The following SPTBN5 variants were observed in gnomAD, a reference collection of about 807,000 sequenced individuals.
The protein encoded by SPTBN5 is spectrin beta chain, non-erythrocytic 5.
SPTBN5 carries 513 observed loss-of-function variants against 477.6 expected under a neutral mutation model. That is an observed-to-expected ratio of 1.07 (90% CI 1.00 to 1.16). The LOEUF (loss-of-function observed/expected upper bound fraction) is 1.16, where lower values mean the gene tolerates loss of function less well. SPTBN5 is among the 50% of genes most tolerant of loss of function. The pLI, the probability that SPTBN5 is intolerant of heterozygous loss-of-function variation, is 0.00. For missense variants in SPTBN5, 5,062 were observed against 4,731.8 expected (o/e 1.07, Z -2.05); for synonymous variants, 2,169 against 2,011.7 (o/e 1.08, Z -2.09).
chr15:41,853,983 T>C, intron 57 of SPTBN5, 67 bp downstream of exon 57: 1 of 1,498,080 alleles, frequency 6.7e-7, no homozygotes. Flanking sequence ...AGGGCTGAGA[T>C]AGGTCCCCTC....
rs756163935 is a variant in SPTBN5, at chr15:41,855,597, C to A, written c.9170G>T (p.Arg3057Leu). The A allele has an allele frequency of 2.5e-6, 4 of 1,611,790 alleles. No individual in the cohort carries two copies. The highest frequency in any genetic ancestry group is 3.4e-6 in the Non-Finnish European group (4 of 1,179,762). ...CAGGAGTGCTGCTGTCTGCTGCAGC[C>A]GCTCGATGCGTGGGCTGAACGCTTC... The part of the protein sequence containing the change: ...DLEAFSPRIE[R>L]LQQTAALLES... The change falls in exon 54 of 68, where the codon CGG (arginine) becomes CTG (leucine). Residue 3057 changes from arginine to leucine, a missense_variant. Transcript: ENST00000320955.
chr15:41,863,525 G>A (rs1266156220), intron 41 of SPTBN5, among the ~76,000 whole-genome samples, 179 bp downstream of exon 41: 1 of 152,166 alleles, frequency 6.6e-6, no homozygotes, highest in East Asian at 1.9e-4. Context: ...GTCCTGAGTT[G>A]ATCCTGAGGG....
chr15:41,857,489 C>T lies in SPTBN5; in HGVS notation c.8370G>A (p.Leu2790=), dbSNP rs2140919955. The change falls in exon 51 of 68, where the codon CTG becomes CTA. Residue 2790 remains leucine, a synonymous_variant. Transcript: ENST00000320955. ...GTTCCTCCATGCTCCGCCGCAGACG[C>T]AGGGCCTAGGGTAGAAAGTGAGGTA... The part of the protein sequence containing the change: ...VAKLQKACEA[L]RLRRSMEELE... 5 of 1,608,286 alleles carry T rather than the reference C, an allele frequency of 3.1e-6. No homozygotes were observed. The highest frequency in any genetic ancestry group is 4.3e-6 in the Non-Finnish European group (5 of 1,176,376).
chr15:41,849,298 C>T (rs1772000680), intron 67 of SPTBN5, among the ~76,000 whole-genome samples: 1 of 152,206 alleles, frequency 6.6e-6, no homozygotes, highest in South Asian at 2.1e-4. Context: ...TAAGAGCCTC[C>T]TGCCCCTGCA....
Position 41,880,245 on chromosome 15 carries a change from T to C in SPTBN5, c.2726A>G (p.Gln909Arg), listed in dbSNP as rs1294181558. The C allele has an allele frequency of 3.1e-6, 5 of 1,607,376 alleles. No individual in the cohort carries two copies. Among genetic ancestry groups the C allele is most frequent in the South Asian group, 2.2e-5 (2 of 89,614 alleles). Residue 909 changes from glutamine (Q) to arginine (R), a missense_variant, in exon 14 of 68, where the codon CAG (glutamine) becomes CGG (arginine). Gln to Arg is a conservative substitution (Grantham distance 43, BLOSUM62 1). Coordinates refer to ENST00000320955, the MANE Select transcript of SPTBN5 (RefSeq NM_016642.4). ...CACTGTCTGCTTCTCCAGCCACAACTGGAGCTCCCCACAGGAACTGCAGAA... is the reference window on the plus strand; with the variant it reads ...CACTGTCTGCTTCTCCAGCCACAACCGGAGCTCCCCACAGGAACTGCAGAA... ...FGFCSSCGEL[Q>R]LWLEKQTVLL...
chr15:41,880,847 T>C (rs561567916), intron 13 of SPTBN5, among the ~76,000 whole-genome samples, 187 bp downstream of exon 13: 1 of 152,362 alleles, frequency 6.6e-6, no homozygotes, highest in South Asian at 2.1e-4. Context: ...CAGCCTGACC[T>C]GGGCTACCTT....
chr15:41,874,702 G>A, intron 23 of SPTBN5, 140 bp downstream of exon 23: 1 of 962,456 alleles, frequency 1.0e-6, no homozygotes, highest in Non-Finnish European at 1.5e-6. Context: ...GCATAATGGG[G>A]TCTCCGACCC....
At position 41,870,576 on chromosome 15, in the gene SPTBN5, G is replaced by C. The variant is rs775175997; in HGVS notation, c.5448-16C>G. 1.3e-6 allele frequency: 2 copies of C among 1,597,632 alleles called. No individual in the cohort carries two copies. The highest frequency in any genetic ancestry group is 4.5e-5 in the East Asian group (2 of 44,724). ...CCAGGCGGTCCTGCCCACGGCGTGT[G>C]GAAGACCAGCCGGGGATCAGCTGCC... On this transcript the variant is annotated splice_polypyrimidine_tract_variant and intron_variant, in intron 29 of 67. Transcript: ENST00000320955.
chr15:41,850,830 C>T (rs1173021018), intron 66 of SPTBN5, 24 bp downstream of exon 66: 1 of 1,569,608 alleles, frequency 6.4e-7, no homozygotes. Context: ...GCCGCCCTCC[C>T]CGCATCCTTC....
intron 47 of SPTBN5, among the ~76,000 whole-genome samples, chr15:41,859,309 C>A (rs540789412): frequency 1.3e-5 from 2 of 152,122 alleles, no homozygotes; most frequent in Non-Finnish European, 2.9e-5. Flanking sequence ...TAGGCTCACA[C>A]CTCCAGGCCC....
At chr15:41,848,671 C>T (rs375340369) in intron 67 of SPTBN5, 43 bp from the exon 68 acceptor site, 22 of 1,612,588 alleles carry the variant, frequency 1.4e-5, no homozygotes, top group Non-Finnish European at 1.8e-5. Context: ...ATGGCCACCC[C>T]AGAATCTTCT....
intron 39 of SPTBN5, 96 bp from the exon 40 acceptor site, chr15:41,864,120 G>A: frequency 1.8e-6 from 2 of 1,122,964 alleles, no homozygotes; most frequent in Non-Finnish European, 2.6e-6. Context: ...GGGCCCCGGA[G>A]CATGAGGAAC....
chr15:41,862,822 GC>G lies in SPTBN5; in HGVS notation c.7230del (p.Glu2410AspfsTer14). 1.3e-6 allele frequency: 2 copies of G among 1,584,188 alleles called. No homozygotes were observed. The highest frequency in any genetic ancestry group is 2.7e-5 in the African/African-American group (2 of 74,318). ...TGGGCCTGGATGGGGTGCACTTCCC[GC>G]TCCAGCTCCTCGTGTTTCCGCAGCA... ...QRLLRKHEEL[E>X]REVHPIQAQV... On this transcript the variant is annotated frameshift_variant, in exon 42 of 68. Coordinates refer to ENST00000320955, the MANE Select transcript of SPTBN5 (RefSeq NM_016642.4). LOFTEE classifies it high-confidence loss of function.
chr15:41,878,436 G>C lies in SPTBN5; in HGVS notation c.3376C>G (p.Arg1126Gly). Reference sequence around the variant, plus strand: ...ACATCCACTGACACCTCCTTGCTGCGCAGCTGAGCCTGGACACTCTCTGCC... The same window carrying C: ...ACATCCACTGACACCTCCTTGCTGCCCAGCTGAGCCTGGACACTCTCTGCC... Reference protein sequence around the residue: ...LWAESVQAQLRSKEVSVDVAS... With the variant: ...LWAESVQAQLGSKEVSVDVAS... The change falls in exon 17 of 68, where the codon CGC becomes GGC. Residue 1126 changes from arginine to glycine, a missense_variant. Physicochemically the swap from Arg to Gly is moderately radical, Grantham distance 125. Transcript: ENST00000320955. The C allele has an allele frequency of 6.2e-7, 1 of 1,613,672 alleles. No individual in the cohort carries two copies. The highest frequency in any genetic ancestry group is 8.5e-7 in the Non-Finnish European group (1 of 1,179,876).
intron 11 of SPTBN5, 38 bp downstream of exon 11, chr15:41,882,231 G>GCCCCCCCCC: frequency 8.0e-7 from 1 of 1,243,768 alleles, no homozygotes; most frequent in Non-Finnish European, 1.1e-6. Context: ...CGCCTCGCCG[G>GCCCCCCCCC]GCCCCGCCCC....
intron 34 of SPTBN5, 44 bp from the exon 35 acceptor site, chr15:41,867,686 G>T: frequency 6.3e-7 from 1 of 1,578,376 alleles, no homozygotes; most frequent in Non-Finnish European, 8.7e-7. Context: ...CTTCCAGCCA[G>T]CCAGCCCCTC....
chr15:41,873,174 C>A (rs2066602203), intron 26 of SPTBN5, among the ~76,000 whole-genome samples: 1 of 152,052 alleles, frequency 6.6e-6, no homozygotes. Context: ...GCGGGCTGGG[C>A]AGGTGACCTT....
chr15:41,866,597 G>C (rs774585749), intron 36 of SPTBN5, 104 bp from the exon 37 acceptor site: 2 of 1,302,998 alleles, frequency 1.5e-6, no homozygotes, highest in Admixed American at 3.2e-5. Context: ...CTCAGGGGTG[G>C]GGCGGGCAGC....
rs1255777077 is a variant in SPTBN5 at position 41,855,713 on chromosome 15, C to T, written c.9054G>A (p.Arg3018=). The change falls in exon 54 of 68, where the codon CGG becomes CGA. Residue 3018 remains arginine, a synonymous_variant. Coordinates refer to ENST00000320955, the MANE Select transcript of SPTBN5 (RefSeq NM_016642.4). ...TGTCCTCGCTGTCCAGGACATGGCC[C>T]CGCTCAGCCAGCCAGGATCCCGCCT... The part of the protein sequence containing the change: ...LLEAGSWLAE[R]GHVLDSEDMG... The T allele has an allele frequency of 6.3e-7, 1 of 1,592,202 alleles. No homozygotes were observed. The highest frequency in any genetic ancestry group is 8.5e-7 in the Non-Finnish European group (1 of 1,170,370).
Sources: allele counts gnomAD v4.1 joint callset (sites outside exome capture counted in the v4.1 genomes callset), GRCh38; gene constraint gnomAD v4.1.1; transcripts MANE v1.5; gene names NCBI Gene and HGNC (gene_info 2026-07-23, HGNC 2026-07-21).